The following TMC5 variants were observed in gnomAD, a reference collection of about 807,000 sequenced individuals.
The protein encoded by TMC5 is transmembrane channel-like protein 5.
A neutral mutation model predicts 110.5 loss-of-function variants in TMC5; 86 were observed. The observed-to-expected ratio is 0.78, with a 90% CI of 0.65 to 0.93. TMC5 has a LOEUF of 0.93. Ranked by LOEUF, TMC5 falls within the 40% of genes least tolerant of loss-of-function variation. The pLI is 0.00. For synonymous variants in TMC5, 455 were observed against 439.5 expected (o/e 1.04, Z -0.44); for missense variants, 1,144 against 1,222.8 (o/e 0.94, Z 0.96).
upstream of TMC5, among the ~76,000 whole-genome samples, chr16:19,417,286 G>T (rs1328127279): frequency 6.6e-6 from 1 of 151,334 alleles, no homozygotes; most frequent in Non-Finnish European, 1.5e-5. Flanking sequence ...AGGCATGATG[G>T]CTTGCACCTG....
Position 19,485,040 on chromosome 16 carries a change from T to C in TMC5, c.2364-1905T>C, listed in dbSNP as rs577633005. Among the ~76,000 whole-genome samples the C allele has an allele frequency of 1.3e-4, 20 of 151,846 alleles. No individual in the cohort carries two copies. The East Asian group carries it at 2.7e-3, about 21-fold the overall frequency. On this transcript the variant is annotated intron_variant, in intron 15 of 21. Coordinates refer to ENST00000542583, the MANE Select transcript of TMC5 (RefSeq NM_001261841.2). ...TCCCAAGTTTTAGTCTATTGTACAC[T>C]AGCCTGCCTATTTTTTGGTATAGTG...
At chr16:19,439,666 C>T (rs937569103) in intron 2 of TMC5, among the ~76,000 whole-genome samples, 9 of 152,294 alleles carry the variant, frequency 5.9e-5, no homozygotes, top group African/African-American at 2.2e-4. Flanking sequence ...CAAGATGGTG[C>T]ACCGTCATTT....
chr16:19,439,928 A>T (rs1294023930), intron 2 of TMC5, 32 bp from the exon 3 acceptor site: 1 of 963,964 alleles, frequency 1.0e-6, no homozygotes, highest in Non-Finnish European at 1.6e-6. Flanking sequence ...AGGGAAAAAA[A>T]TCTGACTTTT....
chr16:19,417,094 CAAAAAAA>C (rs60613963), upstream of TMC5, among the ~76,000 whole-genome samples: 26 of 69,176 alleles, frequency 3.8e-4, 1 homozygote, highest in Admixed American at 6.7e-4. Context: ...ACTCAGTCTT[CAAAAAAA>C]AAAAAAAAAA....
chr16:19,450,439 G>A (rs1177303219), intron 5 of TMC5, among the ~76,000 whole-genome samples: 5 of 152,224 alleles, frequency 3.3e-5, no homozygotes, highest in Non-Finnish European at 5.9e-5. Context: ...GGAACTCAAT[G>A]TCACCTGGAC....
intron 19 of TMC5, 81 bp from the exon 20 acceptor site, chr16:19,494,181 C>A (rs752740405): frequency 1.5e-5 from 17 of 1,115,386 alleles, no homozygotes; most frequent in Non-Finnish European, 2.1e-5. Context: ...CGACGTTCTT[C>A]CCATCAATTG....
At chr16:19,449,087 G>A (rs1967690288) in intron 4 of TMC5, among the ~76,000 whole-genome samples, 1 of 151,728 alleles carries the variant, frequency 6.6e-6, no homozygotes, top group African/African-American at 2.4e-5. Flanking sequence ...TCCTGACCTC[G>A]TGATCCACCT....
intron 9 of TMC5, among the ~76,000 whole-genome samples, chr16:19,467,475 TTTAA>T (rs1367291676): frequency 1.3e-5 from 2 of 152,074 alleles, no homozygotes; most frequent in African/African-American, 2.4e-5. Flanking sequence ...TAATTACCAC[TTTAA>T]TTAATTAATT....
At position 19,469,712 on chromosome 16, in the gene TMC5, A is replaced by T. The variant is rs1202541782; in HGVS notation, c.1669A>T (p.Asn557Tyr). The T allele has an allele frequency of 6.2e-7, 1 of 1,614,110 alleles. No homozygotes were observed. The highest frequency in any genetic ancestry group is 8.5e-7 in the Non-Finnish European group (1 of 1,179,988). Residue 557 changes from asparagine (N) to tyrosine (Y), a missense_variant, in exon 10 of 22, where the codon AAT (asparagine) becomes TAT (tyrosine). Transcript: ENST00000542583. ...CAAGTATTTCCGGAACAACTTCATT[A>T]ATCCCCACATTTACTCCGGAGGGAT... Reference protein sequence around the residue: ...MAKYFRNNFINPHIYSGGITK... With the variant: ...MAKYFRNNFIYPHIYSGGITK...
chr16:19,490,326 C>T, intron 17 of TMC5, 69 bp from the exon 18 acceptor site: 10 of 1,501,182 alleles, frequency 6.7e-6, no homozygotes, highest in Non-Finnish European at 9.2e-6. Context: ...CCAGAAGGGA[C>T]ACCCTGATTC....
rs762773074 is a variant in TMC5, at chr16:19,498,024, A to AT, written c.*61dup. The AT allele has an allele frequency of 2.0e-6, 3 of 1,525,174 alleles. No individual in the cohort carries two copies. The highest frequency in any genetic ancestry group is 1.7e-5 in the Admixed American group (1 of 59,818). The allele number at this position is 1,525,174 out of a possible 1,614,324, so 94.5% of individuals were successfully genotyped here. A position where few individuals can be genotyped will look rare whatever the true frequency, so the allele number is the denominator to read the frequency against. On this transcript the variant is annotated 3_prime_UTR_variant, in exon 22 of 22. Coordinates refer to ENST00000542583, the MANE Select transcript of TMC5 (RefSeq NM_001261841.2). The stretch of plus-strand genomic sequence containing the variant: ...AAGGGGAGGAGACGAAAATGGAATG[A>AT]TTTCTTCCATGCCACCTGTGCCTTT...
At chr16:19,412,751 A>G (rs1482490456) in intron 1 of TMC5, among the ~76,000 whole-genome samples, 2 of 152,224 alleles carry the variant, frequency 1.3e-5, no homozygotes, top group Non-Finnish European at 2.9e-5. Flanking sequence ...AACATTAGCT[A>G]CAGTAAATGC....
intron 5 of TMC5, among the ~76,000 whole-genome samples, chr16:19,454,891 C>A (rs1422586726): frequency 6.6e-6 from 1 of 152,138 alleles, no homozygotes; most frequent in Non-Finnish European, 1.5e-5. Flanking sequence ...GTAATCCCAG[C>A]ACTCTGGGAA....
intron 1 of TMC5, among the ~76,000 whole-genome samples, chr16:19,419,794 A>C (rs960209490): frequency 6.6e-6 from 1 of 152,184 alleles, no homozygotes; most frequent in African/African-American, 2.4e-5. Context: ...TTCAAGCTAT[A>C]GAGTATCTTC....
At chr16:19,481,282 G>T (rs1324237360) in intron 14 of TMC5, 88 bp from the exon 15 acceptor site, 1 of 924,128 alleles carries the variant, frequency 1.1e-6, no homozygotes, top group Admixed American at 1.8e-5. Flanking sequence ...GCTGGGGAGG[G>T]TCTCTTTTGT....
upstream of TMC5, among the ~76,000 whole-genome samples, chr16:19,414,782 G>A (rs1440776367): frequency 6.6e-6 from 1 of 151,546 alleles, no homozygotes; most frequent in Non-Finnish European, 1.5e-5. Flanking sequence ...ATAGTGGTGA[G>A]TTCCTGTAGT....
At chr16:19,465,552 T>TA (rs1968166882) in intron 8 of TMC5, among the ~76,000 whole-genome samples, 1 of 151,932 alleles carries the variant, frequency 6.6e-6, no homozygotes, top group African/African-American at 2.4e-5. Flanking sequence ...AATAAATAAA[T>TA]AATCTCCCCA....
At chr16:19,456,158 G>A (rs1967863835) in intron 5 of TMC5, among the ~76,000 whole-genome samples, 1 of 151,736 alleles carries the variant, frequency 6.6e-6, no homozygotes, top group Admixed American at 6.6e-5. Context: ...AGTGAGCTGA[G>A]ATCGCGCCAC....
intron 17 of TMC5, among the ~76,000 whole-genome samples, chr16:19,488,523 G>A (rs1015128858): frequency 1.4e-5 from 2 of 138,890 alleles, no homozygotes; most frequent in Non-Finnish European, 3.1e-5. Context: ...ACTGTTCCCC[G>A]CCCCACCACC....
Sources: allele counts gnomAD v4.1 joint callset (sites outside exome capture counted in the v4.1 genomes callset), GRCh38; gene constraint gnomAD v4.1.1; transcripts MANE v1.5; gene names NCBI Gene and HGNC (gene_info 2026-07-23, HGNC 2026-07-21).